Variants in SCN10A observed in about 807,000 individuals in gnomAD.
The protein encoded by SCN10A is sodium voltage-gated channel alpha subunit 10, also known as sodium channel protein type 10 subunit alpha.
Under a neutral mutation model 170.7 loss-of-function variants are expected in SCN10A, and 162 were observed. The observed-to-expected ratio is 0.95, with a 90% CI of 0.84 to 1.08. SCN10A has a LOEUF of 1.08. SCN10A is among the 50% of genes least tolerant of loss of function. The pLI, the probability that SCN10A is intolerant of heterozygous loss-of-function variation, is 0.00. For missense variants in SCN10A, 2,527 were observed against 2,436.9 expected, an observed-to-expected ratio of 1.04 and a Z score of -0.78; for synonymous variants, 985 against 904.6, an observed-to-expected ratio of 1.09 and a Z score of -1.59.
intron 21 of SCN10A, among the ~76,000 whole-genome samples, chr3:38,717,250 T>C (rs2063342719): frequency 6.6e-6 from 1 of 151,842 alleles, no homozygotes; most frequent in Non-Finnish European, 1.5e-5. Flanking sequence ...TGGATGGATG[T>C]TTGGGAGGAA....
chr3:38,728,509 G>A (rs2063480045), intron 16 of SCN10A, 33 bp downstream of exon 16: 1 of 1,525,666 alleles, frequency 6.6e-7, no homozygotes, highest in Non-Finnish European at 8.8e-7. Flanking sequence ...CTTTCCCCAG[G>A]AGACAGTGCC....
chr3:38,736,962 C>CTTTTTTTTTTTTTTTTTT (rs2063567359), intron 15 of SCN10A, among the ~76,000 whole-genome samples: 2 of 69,254 alleles, frequency 2.9e-5, no homozygotes, highest in African/African-American at 1.0e-4. Context: ...CAGAAATGTT[C>CTTTTTTTTTTTTTTTTTT]GTTTTTTTTT....
In SCN10A at chr3:38,759,393, C is replaced by T. The variant is rs146775048; in HGVS notation, c.950+1288G>A. Among the ~76,000 whole-genome samples the T allele has an allele frequency of 2.7e-4, 41 of 152,172 alleles. No homozygotes were observed. In the East Asian group the frequency reaches 7.7e-3, roughly 29 times the overall value. On this transcript the variant is annotated intron_variant, in intron 8 of 27. Transcript: ENST00000449082. ...CTGGAATGGTCTTCGCTGAAACTATCTCGTATTCACCCAGCCTGGAGACAT... is the reference window on the plus strand; with the variant it reads ...CTGGAATGGTCTTCGCTGAAACTATTTCGTATTCACCCAGCCTGGAGACAT...
chr3:38,759,646 T>C (rs2063846435), intron 8 of SCN10A, among the ~76,000 whole-genome samples: 1 of 152,212 alleles, frequency 6.6e-6, no homozygotes, highest in Non-Finnish European at 1.5e-5. Context: ...GGCCCAACAA[T>C]ATGTAGACAT....
chr3:38,729,667 C>T (rs891544724), intron 15 of SCN10A, among the ~76,000 whole-genome samples: 4 of 152,150 alleles, frequency 2.6e-5, no homozygotes, highest in African/African-American at 9.7e-5. Flanking sequence ...AATCATCAAG[C>T]ATAAAAATGT....
chr3:38,723,614 AC>A, intron 18 of SCN10A, 61 bp from the exon 19 acceptor site: 2 of 1,540,490 alleles, frequency 1.3e-6, no homozygotes, highest in Non-Finnish European at 1.8e-6. Context: ...GGAATTGCAC[AC>A]GGTCACTGCA....
intron 1 of SCN10A, among the ~76,000 whole-genome samples, chr3:38,807,306 C>T (rs1445664865): frequency 6.6e-6 from 1 of 152,094 alleles, no homozygotes; most frequent in Non-Finnish European, 1.5e-5. Flanking sequence ...ATGCTGAGGT[C>T]ACAGGTTTAA....
At chr3:38,804,223 G>C (rs188844757) in intron 1 of SCN10A, among the ~76,000 whole-genome samples, 1 of 152,212 alleles carries the variant, frequency 6.6e-6, no homozygotes. Context: ...TATTGCCTCT[G>C]TTTTTCAACT....
chr3:38,761,441 C>G, intron 6 of SCN10A, 58 bp from the exon 7 acceptor site: 7 of 1,444,536 alleles, frequency 4.8e-6, no homozygotes, highest in Non-Finnish European at 6.7e-6. Flanking sequence ...ACGGAGCACA[C>G]TTCTTCATCT....
intron 20 of SCN10A, among the ~76,000 whole-genome samples, chr3:38,721,384 CT>C (rs1416920943): frequency 6.6e-6 from 1 of 152,210 alleles, no homozygotes; most frequent in African/African-American, 2.4e-5. Flanking sequence ...CCCCTCATGC[CT>C]TTGGGCTTTG....
At chr3:38,727,418 C>T (rs2063469852) in intron 16 of SCN10A, among the ~76,000 whole-genome samples, 1 of 152,216 alleles carries the variant, frequency 6.6e-6, no homozygotes, top group African/African-American at 2.4e-5. Context: ...CTGGGCACAT[C>T]TTGCTGCTTC....
At chr3:38,715,338 G>A (rs537043752) in intron 21 of SCN10A, among the ~76,000 whole-genome samples, 1 of 152,238 alleles carries the variant, frequency 6.6e-6, no homozygotes, top group Admixed American at 6.5e-5. Context: ...AGCCTCCCAA[G>A]TAGTCTCCAG....
At chr3:38,788,216 CAAAAA>C (rs561959910) in intron 4 of SCN10A, among the ~76,000 whole-genome samples, 21 of 97,838 alleles carry the variant, frequency 2.1e-4, no homozygotes, top group African/African-American at 6.3e-4. Flanking sequence ...TTATGATTAG[CAAAAA>C]AAAAAAAAAA....
rs192385827 is a variant in SCN10A at position 38,724,745 on chromosome 3, G to A, written c.3228+429C>T. On this transcript the variant is annotated intron_variant, in intron 18 of 27. Transcript: ENST00000449082. ...TCTTTCGTTTCCTTTTTTCTTGGCT[G>A]TCATTTCCTGGGCACTTACTTTGTC... is the stretch of plus-strand genomic sequence containing the variant. 2.6e-5 allele frequency among the ~76,000 whole-genome samples: 4 copies of A among 152,278 alleles called. No homozygotes were observed. In the East Asian group the frequency reaches 5.8e-4, roughly 22 times the overall value.
In SCN10A at chr3:38,752,401, CT is replaced by C; in HGVS notation, c.1572del (p.Val525SerfsTer77). The C allele has an allele frequency of 1.9e-6, 3 of 1,613,956 alleles. No homozygotes were observed. The highest frequency in any genetic ancestry group is 2.5e-6 in the Non-Finnish European group (3 of 1,179,938). On this transcript the variant is annotated frameshift_variant, in exon 12 of 28. Coordinates refer to ENST00000449082, the MANE Select transcript of SCN10A (RefSeq NM_006514.4). LOFTEE classifies it high-confidence loss of function. ...ISLPEGVTDD[G>X]VFPGDHESHR... ...TGGCTTTCGTGGTCTCCAGGAAAGA[CT>C]CCATCATCTGTGACTCCCTCAGGGA...
In SCN10A at chr3:38,789,866, A is replaced by G. The variant is rs918243420; in HGVS notation, c.390-830T>C. Reference sequence around the variant, plus strand: ...AAAGGTAAATTGTTCCCACTTGGACATTTTTCTTAGGAATAGCTGGGCTCC... The same window carrying G: ...AAAGGTAAATTGTTCCCACTTGGACGTTTTTCTTAGGAATAGCTGGGCTCC... On this transcript the variant is annotated intron_variant, in intron 3 of 27. Coordinates refer to ENST00000449082, the MANE Select transcript of SCN10A (RefSeq NM_006514.4). Among the ~76,000 whole-genome samples, 4 of 152,130 alleles carry G rather than the reference A, an allele frequency of 2.6e-5. No individual in the cohort carries two copies. The South Asian group carries it at 8.3e-4, about 32-fold the overall frequency.
chr3:38,725,203 C>CT lies in SCN10A; in HGVS notation c.3198dup (p.Asp1067ArgfsTer2). On this transcript the variant is annotated frameshift_variant, in exon 18 of 28. Coordinates refer to ENST00000449082, the MANE Select transcript of SCN10A (RefSeq NM_006514.4). LOFTEE classifies it high-confidence loss of function. ...GCAGGGACCTGAGGAACAGACTCAT[C>CT]TTTCCACGTCTCACCCAGGGATGGA... is the stretch of plus-strand genomic sequence containing the variant. The CT allele has an allele frequency of 1.9e-6, 3 of 1,606,384 alleles. No homozygotes were observed. The highest frequency in any genetic ancestry group is 2.6e-6 in the Non-Finnish European group (3 of 1,174,258).
At chr3:38,766,109 A>C (rs2063929830) in intron 5 of SCN10A, among the ~76,000 whole-genome samples, 1 of 151,672 alleles carries the variant, frequency 6.6e-6, no homozygotes, top group South Asian at 2.1e-4. Flanking sequence ...TACTGAATTC[A>C]TTTATTAGAT....
intron 25 of SCN10A, among the ~76,000 whole-genome samples, chr3:38,708,769 G>T (rs1047630353): frequency 2.6e-5 from 4 of 152,150 alleles, no homozygotes; most frequent in Non-Finnish European, 2.9e-5. Context: ...TTAAAATATT[G>T]CCAGCATGAG....
Sources: allele counts gnomAD v4.1 joint callset (sites outside exome capture counted in the v4.1 genomes callset), GRCh38; gene constraint gnomAD v4.1.1; transcripts MANE v1.5; gene names NCBI Gene and HGNC (gene_info 2026-07-23, HGNC 2026-07-21).